Variants in RIC1 observed in about 807,000 individuals in gnomAD.
RIC1 encodes RIC1 partner of RAB6A GEF complex, also known as guanine nucleotide exchange factor subunit RIC1.
RIC1 carries 88 observed loss-of-function variants against 169.0 expected under a neutral mutation model. The ratio of observed to expected loss-of-function variants is 0.52; its 90% CI spans 0.44 to 0.62. The LOEUF (loss-of-function observed/expected upper bound fraction) is 0.62. Among genes scored for constraint, RIC1 ranks in the 20% least tolerant of loss-of-function variants. RIC1 has a pLI of 0.00. For synonymous variants in RIC1, 790 were observed against 601.5 expected (o/e 1.31, Z -4.59); for missense variants, 1,877 against 1,725.5 (o/e 1.09, Z -1.56).
intron 1 of RIC1, among the ~76,000 whole-genome samples, chr9:5,630,742 A>T (rs1269360878): frequency 2.0e-5 from 3 of 152,214 alleles, no homozygotes; most frequent in Non-Finnish European, 2.9e-5. Flanking sequence ...TATTTTGAAT[A>T]TATATGTATG....
chr9:5,687,420 T>C (rs1468735701), intron 2 of RIC1, among the ~76,000 whole-genome samples: 1 of 152,222 alleles, frequency 6.6e-6, no homozygotes, highest in Non-Finnish European at 1.5e-5. Context: ...TGTTTCTAGT[T>C]TAAGGTAGAA....
At chr9:5,745,432 CA>C (rs903447843) in intron 10 of RIC1, among the ~76,000 whole-genome samples, 13 of 152,276 alleles carry the variant, frequency 8.5e-5, no homozygotes, top group African/African-American at 3.1e-4. Flanking sequence ...AGAAACGAGA[CA>C]GCTTGGCCAA....
intron 3 of RIC1, among the ~76,000 whole-genome samples, chr9:5,692,555 A>G (rs983549723): frequency 2.6e-5 from 4 of 152,066 alleles, no homozygotes; most frequent in African/African-American, 9.7e-5. Context: ...AATCTCTTAT[A>G]TGAAAATAGT....
At chr9:5,749,032 T>C (rs1825561262) in intron 12 of RIC1, among the ~76,000 whole-genome samples, 1 of 152,156 alleles carries the variant, frequency 6.6e-6, no homozygotes, top group African/African-American at 2.4e-5. Context: ...GCTCATAGAA[T>C]TTTTCAAGCT....
rs1255757395 is a variant in RIC1 at position 5,663,200 on chromosome 9, TATC to T, written c.252+6513_252+6515del. 5.3e-5 allele frequency among the ~76,000 whole-genome samples: 8 copies of T among 152,238 alleles called. No homozygotes were observed. In the East Asian group the frequency reaches 1.5e-3, roughly 29 times the overall value. ...TGAGTGTTGTGGTCTGAGAGACTGTTATCATTTCAGTTCTTTTGCATTTGCTGA... is the reference window on the plus strand; with the variant it reads ...TGAGTGTTGTGGTCTGAGAGACTGTTATTTCAGTTCTTTTGCATTTGCTGA... On this transcript the variant is annotated intron_variant, in intron 2 of 25. Transcript: ENST00000414202.
intron 17 of RIC1, among the ~76,000 whole-genome samples, chr9:5,762,271 A>G (rs1056493846): frequency 2.0e-5 from 3 of 152,138 alleles, no homozygotes; most frequent in African/African-American, 4.8e-5. Context: ...AAACTTCTAA[A>G]GTTGTCTTAG....
In RIC1 at chr9:5,776,324, T is replaced by G. The variant is rs1006971967; in HGVS notation, c.*2078T>G. 1 of 152,150 alleles carries G rather than the reference T, an allele frequency of 6.6e-6. No homozygotes were observed. The highest frequency in any genetic ancestry group is 2.4e-5 in the African/African-American group (1 of 41,456). The allele number at this position is 152,150 out of a possible 1,614,324, so 9.4% of individuals were successfully genotyped here. ...TTAAAAACCCATTTTTATTGTGGTGTTTGGTTCACATATCAACTGTTTAAG... is the reference window on the plus strand; with the variant it reads ...TTAAAAACCCATTTTTATTGTGGTGGTTGGTTCACATATCAACTGTTTAAG... On this transcript the variant is annotated 3_prime_UTR_variant, in exon 26 of 26. Transcript: ENST00000414202.
chr9:5,756,986 A>T (rs1826051157), intron 16 of RIC1, among the ~76,000 whole-genome samples: 1 of 152,216 alleles, frequency 6.6e-6, no homozygotes, highest in Non-Finnish European at 1.5e-5. Flanking sequence ...AAATTAAGAC[A>T]TCTCACTAGC....
In RIC1 at chr9:5,772,609, G is replaced by C. The variant is rs746867743; in HGVS notation, c.3662G>C (p.Ser1221Thr). 6.2e-7 allele frequency: 1 copy of C among 1,613,820 alleles called. No individual in the cohort carries two copies. Among genetic ancestry groups the C allele is most frequent in the Non-Finnish European group, 8.5e-7 (1 of 1,179,858 alleles). Residue 1221 changes from serine (S) to threonine (T), a missense_variant, in exon 24 of 26, where the codon AGC (serine) becomes ACC (threonine). By Grantham distance (58) the Ser-to-Thr change is moderately conservative. Transcript: ENST00000414202. Reference protein sequence around the residue: ...IGSATDLTESSSMVDGDWTMV... With the variant: ...IGSATDLTESTSMVDGDWTMV... ...TCAGCCACAGACTTGACTGAAAGTA[G>C]CTCCATGGTGGATGGCGACTGGACA...
intron 3 of RIC1, among the ~76,000 whole-genome samples, chr9:5,711,801 C>T (rs1331330597): frequency 6.6e-6 from 1 of 152,074 alleles, no homozygotes; most frequent in Non-Finnish European, 1.5e-5. Context: ...GTTCAATTCC[C>T]ACCTATGAGT....
chr9:5,633,187 A>G (rs1406801105), intron 1 of RIC1, among the ~76,000 whole-genome samples: 2 of 152,168 alleles, frequency 1.3e-5, no homozygotes, highest in African/African-American at 2.4e-5. Flanking sequence ...CTAATCATGG[A>G]AAAAAACAAT....
rs1374597288 is a variant in RIC1 at position 5,742,853 on chromosome 9, C to T, written c.902-16C>T. ...GCAACTATTTATTTTTAACTCTTCT[C>T]ACTATTTCCTAACAGACATTTGGAA... is the stretch of plus-strand genomic sequence containing the variant. On this transcript the variant is annotated splice_polypyrimidine_tract_variant and intron_variant, in intron 8 of 25. Transcript: ENST00000414202. The T allele has an allele frequency of 3.2e-6, 5 of 1,575,720 alleles. No individual in the cohort carries two copies. In the South Asian group the frequency reaches 4.5e-5, roughly 14 times the overall value.
chr9:5,725,202 T>G (rs1823887265), intron 6 of RIC1, among the ~76,000 whole-genome samples: 1 of 152,186 alleles, frequency 6.6e-6, no homozygotes, highest in Non-Finnish European at 1.5e-5. Context: ...TTTTTTTGGT[T>G]AGTAGGCTAT....
chr9:5,702,157 G>A (rs369304542), intron 3 of RIC1, among the ~76,000 whole-genome samples: 2 of 152,216 alleles, frequency 1.3e-5, no homozygotes, highest in African/African-American at 4.8e-5. Context: ...TAAAAGTGAT[G>A]TGTACTCTAA....
intron 6 of RIC1, among the ~76,000 whole-genome samples, chr9:5,721,528 G>GC (rs1361686076): frequency 6.6e-6 from 1 of 152,174 alleles, no homozygotes; most frequent in African/African-American, 2.4e-5. Context: ...CTCCTAGTGC[G>GC]CTTGTGGGCA....
intron 12 of RIC1, among the ~76,000 whole-genome samples, chr9:5,749,144 T>C (rs1251735162): frequency 1.3e-5 from 2 of 152,206 alleles, no homozygotes; most frequent in Non-Finnish European, 2.9e-5. Context: ...AGCAGAGTAG[T>C]GGCAGACTTA....
chr9:5,655,780 T>C (rs1303265007), intron 1 of RIC1, among the ~76,000 whole-genome samples: 1 of 152,228 alleles, frequency 6.6e-6, no homozygotes, highest in Non-Finnish European at 1.5e-5. Context: ...TGTTTAATTT[T>C]TTTTAATACC....
intron 23 of RIC1, among the ~76,000 whole-genome samples, chr9:5,772,090 T>A (rs940545466): frequency 2.0e-5 from 3 of 152,242 alleles, no homozygotes; most frequent in African/African-American, 7.2e-5. Context: ...TAAATAAGGT[T>A]CACATATTGT....
chr9:5,721,452 GCA>G (rs548504593), intron 6 of RIC1, among the ~76,000 whole-genome samples: 3 of 152,242 alleles, frequency 2.0e-5, no homozygotes, highest in East Asian at 1.9e-4. Flanking sequence ...ACACGCGCGT[GCA>G]CACACACACG....
Sources: allele counts gnomAD v4.1 joint callset (sites outside exome capture counted in the v4.1 genomes callset), GRCh38; gene constraint gnomAD v4.1.1; transcripts MANE v1.5; gene names NCBI Gene and HGNC (gene_info 2026-07-23, HGNC 2026-07-21).